The following FAM227B variants were observed in gnomAD, a reference collection of about 807,000 sequenced individuals.
FAM227B encodes the protein family with sequence similarity 227 member B, also known as protein FAM227B.
In FAM227B, 88 loss-of-function variants were observed where a neutral mutation model predicts 73.8. That is an observed-to-expected ratio of 1.19 (90% CI 1.00 to 1.42). The LOEUF is 1.42. Among genes scored for constraint, FAM227B ranks in the 40% most tolerant of loss-of-function variants. The pLI is 0.00. For synonymous variants in FAM227B, 210 were observed against 190.5 expected (o/e 1.10, Z -0.84); for missense variants, 632 against 590.9 (o/e 1.07, Z -0.72).
At chr15:49,352,594 T>C (rs1325372704) in intron 13 of FAM227B, among the ~76,000 whole-genome samples, 1 of 152,198 alleles carries the variant, frequency 6.6e-6, no homozygotes, top group African/African-American at 2.4e-5. Context: ...CTATTCTGTG[T>C]TATGCATAAT....
Position 49,573,934 on chromosome 15 carries a change from A to G in FAM227B, c.645+1077T>C, listed in dbSNP as rs192662308. ...CTTTGAAGTATTAAGTTTTTATTAA[A>G]TGTGTTTTGAAGCATTTTTATTAGG... On this transcript the variant is annotated intron_variant, in intron 8 of 15. Coordinates refer to ENST00000299338, the MANE Select transcript of FAM227B (RefSeq NM_152647.3). Among the ~76,000 whole-genome samples, 187 of 152,274 alleles carry G rather than the reference A, an allele frequency of 1.2e-3. 1 individual carries two copies. The highest frequency in any genetic ancestry group is 2.8e-3 in the Admixed American group (43 of 15,282).
At chr15:49,538,928 AT>A (rs35285816) in intron 10 of FAM227B, among the ~76,000 whole-genome samples, 49,718 of 151,782 alleles carry the variant, frequency 0.33, 8,896 homozygotes, top group African/African-American at 0.46. Flanking sequence ...TTATCAGGAA[AT>A]TGTTGAGTAT....
chr15:49,356,067 C>A (rs2043110453), intron 13 of FAM227B, among the ~76,000 whole-genome samples: 1 of 146,410 alleles, frequency 6.8e-6, no homozygotes, highest in African/African-American at 2.7e-5. Flanking sequence ...AACAGGCCTG[C>A]CTTACAAGAG....
At chr15:49,446,460 G>A (rs901244072) in intron 11 of FAM227B, among the ~76,000 whole-genome samples, 4 of 151,566 alleles carry the variant, frequency 2.6e-5, no homozygotes, top group African/African-American at 9.7e-5. Flanking sequence ...ATGAACAAAG[G>A]AGTGATAAGG....
intron 10 of FAM227B, among the ~76,000 whole-genome samples, chr15:49,528,115 A>G (rs1436979509): frequency 2.0e-5 from 3 of 151,930 alleles, no homozygotes; most frequent in Non-Finnish European, 1.5e-5. Flanking sequence ...CTACAAAGCT[A>G]TAGTAACCCA....
intron 9 of FAM227B, among the ~76,000 whole-genome samples, chr15:49,543,251 A>T (rs2071336446): frequency 6.6e-6 from 1 of 152,078 alleles, no homozygotes. Context: ...GTATTTCCCT[A>T]ATAATCAGCG....
intron 3 of FAM227B, among the ~76,000 whole-genome samples, chr15:49,604,959 TTTTC>T (rs934023127): frequency 3.9e-5 from 6 of 152,130 alleles, no homozygotes; most frequent in Admixed American, 1.3e-4. Flanking sequence ...GTTTTCCTGA[TTTTC>T]TTTGTGTTCT....
intron 11 of FAM227B, among the ~76,000 whole-genome samples, chr15:49,398,337 GATT>G (rs1204890437): frequency 2.7e-5 from 4 of 146,292 alleles, no homozygotes; most frequent in Non-Finnish European, 4.5e-5. Context: ...GGAGCACCAA[GATT>G]CATAAAGCAA....
intron 8 of FAM227B, among the ~76,000 whole-genome samples, chr15:49,571,065 C>A (rs2075062126): frequency 6.6e-6 from 1 of 151,368 alleles, no homozygotes; most frequent in Admixed American, 6.6e-5. Context: ...TTCAACACAG[C>A]AGTTTAAACT....
At chr15:49,567,071 A>G (rs2074715799) in intron 9 of FAM227B, among the ~76,000 whole-genome samples, 1 of 152,174 alleles carries the variant, frequency 6.6e-6, no homozygotes, top group African/African-American at 2.4e-5. Context: ...GCTTGATTTC[A>G]TAAAATCATG....
At chr15:49,328,999 T>C (rs1034521351) in intron 15 of FAM227B, 1 of 1,028,118 alleles carries the variant, frequency 9.7e-7, no homozygotes, top group Non-Finnish European at 1.2e-6. Flanking sequence ...AGTTTGTTCA[T>C]AGAATTACTT....
chr15:49,493,796 A>G (rs916874384), intron 11 of FAM227B, among the ~76,000 whole-genome samples: 1 of 151,752 alleles, frequency 6.6e-6, no homozygotes, highest in Non-Finnish European at 1.5e-5. Flanking sequence ...ACAAATACAC[A>G]CACACTTATG....
At chr15:49,480,221 G>A (rs775583199) in intron 11 of FAM227B, among the ~76,000 whole-genome samples, 4 of 152,032 alleles carry the variant, frequency 2.6e-5, no homozygotes, top group South Asian at 2.1e-4. Context: ...TCAGTTAAAC[G>A]TAGAATCTTT....
At chr15:49,467,826 C>A (rs1340012679) in intron 11 of FAM227B, among the ~76,000 whole-genome samples, 1 of 152,114 alleles carries the variant, frequency 6.6e-6, no homozygotes, top group Non-Finnish European at 1.5e-5. Flanking sequence ...AAGGTGGGTC[C>A]CTTGCATTCC....
rs182081937 is a variant in FAM227B at position 49,443,806 on chromosome 15, C to G, written c.1012+64405G>C. 3.2e-3 allele frequency among the ~76,000 whole-genome samples: 486 copies of G among 151,788 alleles called. 2 individuals carry two copies. The highest frequency in any genetic ancestry group is 5.4e-3 in the Admixed American group (82 of 15,196). On this transcript the variant is annotated intron_variant, in intron 11 of 15. Coordinates refer to ENST00000299338, the MANE Select transcript of FAM227B (RefSeq NM_152647.3). ...CAGAGAAAAACAGAAATAGTGAAAG[C>G]ATTTTGTGAGTATTATATTTTATTA...
chr15:49,556,672 A>AG (rs61402600), intron 9 of FAM227B, among the ~76,000 whole-genome samples: 49,917 of 152,084 alleles, frequency 0.33, 8,996 homozygotes, highest in African/African-American at 0.46. Context: ...GCTGACAGAC[A>AG]GGGGGCACTC....
intron 11 of FAM227B, among the ~76,000 whole-genome samples, chr15:49,449,951 A>T (rs2052572902): frequency 6.6e-6 from 1 of 152,126 alleles, no homozygotes; most frequent in Non-Finnish European, 1.5e-5. Flanking sequence ...CCACAGACAT[A>T]TGCAAAGAAA....
At chr15:49,351,424 C>T (rs1455161401) in intron 13 of FAM227B, among the ~76,000 whole-genome samples, 2 of 152,144 alleles carry the variant, frequency 1.3e-5, no homozygotes, top group Non-Finnish European at 2.9e-5. Flanking sequence ...TGAGATCTTA[C>T]CATAGGACAA....
chr15:49,533,175 T>A (rs1257034040), intron 10 of FAM227B, among the ~76,000 whole-genome samples: 1 of 151,926 alleles, frequency 6.6e-6, no homozygotes. Flanking sequence ...TTTCTATATA[T>A]TTATAAATTT....
Sources: gnomAD v4.1 joint callset for allele counts (sites outside exome capture counted in the v4.1 genomes callset) on GRCh38, gnomAD v4.1.1 for gene constraint, MANE v1.5 for transcripts, NCBI Gene and HGNC (gene_info 2026-07-23, HGNC 2026-07-21) for gene names.